Variants in TNFSF4 observed in about 807,000 individuals in gnomAD.
TNFSF4 encodes the protein tumor necrosis factor ligand superfamily member 4.
A neutral mutation model predicts 7.3 loss-of-function variants in TNFSF4; 4 were observed. That is an observed-to-expected ratio of 0.55 (90% confidence interval 0.27 to 1.25). The LOEUF is 1.25. TNFSF4 is among the 50% of genes most tolerant of loss of function. The pLI, the probability that TNFSF4 is intolerant of heterozygous loss-of-function variation, is 0.12. For missense variants in TNFSF4, 181 were observed against 208.8 expected (o/e 0.87, Z 0.82); for synonymous variants, 76 against 83.7 (o/e 0.91, Z 0.50).
chr1:173,214,271 T>C, the TNFSF4 span, among the ~76,000 whole-genome samples: 1 of 152,186 alleles, frequency 6.6e-6, no homozygotes, highest in East Asian at 1.9e-4. Context: ...ACACACTTAG[T>C]ACATGGCAGA....
the TNFSF4 span, among the ~76,000 whole-genome samples, chr1:173,424,984 A>G: frequency 2.0e-5 from 3 of 152,178 alleles, no homozygotes; most frequent in African/African-American, 7.2e-5. Context: ...TTAAATATTC[A>G]AGTTTTTCAA....
the TNFSF4 span, among the ~76,000 whole-genome samples, chr1:173,433,972 G>A: frequency 6.6e-6 from 1 of 152,208 alleles, no homozygotes; most frequent in Non-Finnish European, 1.5e-5. Flanking sequence ...AAAGGAGAAT[G>A]CCAAGTGAAG....
the TNFSF4 span, among the ~76,000 whole-genome samples, chr1:173,421,205 C>A: frequency 6.6e-6 from 1 of 152,138 alleles, no homozygotes; most frequent in Admixed American, 6.5e-5. Flanking sequence ...TCCCACGCAC[C>A]ATTAGGGACA....
the TNFSF4 span, among the ~76,000 whole-genome samples, chr1:173,253,794 GT>G: frequency 6.6e-6 from 1 of 152,034 alleles, no homozygotes; most frequent in Admixed American, 6.6e-5. Context: ...AGTGAGATGA[GT>G]TTTTTTCTAT....
the TNFSF4 span, among the ~76,000 whole-genome samples, chr1:173,226,711 A>G: frequency 6.6e-6 from 1 of 152,158 alleles, no homozygotes; most frequent in Admixed American, 6.5e-5. Context: ...TCATGCTATC[A>G]TCTCGACTAA....
At chr1:173,432,393 T>G in the TNFSF4 span, among the ~76,000 whole-genome samples, 1 of 152,168 alleles carries the variant, frequency 6.6e-6, no homozygotes, top group African/African-American at 2.4e-5. Context: ...TAAAGATAAA[T>G]GAGTTCATAA....
rs1013701527 is a variant in TNFSF4, at chr1:173,185,416, T to C, written c.*1100A>G. The C allele has an allele frequency of 3.3e-5, 5 of 152,172 alleles. No individual in the cohort carries two copies. Among genetic ancestry groups the C allele is most frequent in the Non-Finnish European group, 5.9e-5 (4 of 68,026 alleles). 9.4% of individuals were successfully genotyped at this position (152,172 alleles called of 1,614,324 possible). A position where few individuals can be genotyped will look rare whatever the true frequency, so the allele number is the denominator to read the frequency against. On this transcript the variant is annotated 3_prime_UTR_variant, in exon 3 of 3. Transcript: ENST00000281834. ...AGACCCTTCTAGTTTCAATTATCAA[T>C]GTGAGACTATATATGGTCTATGGTA...
At chr1:173,357,801 C>G in the TNFSF4 span, among the ~76,000 whole-genome samples, 1 of 152,186 alleles carries the variant, frequency 6.6e-6, no homozygotes, top group Admixed American at 6.5e-5. Context: ...TCCCAAAGTA[C>G]TGGGATTACA....
upstream of TNFSF4, among the ~76,000 whole-genome samples, chr1:173,209,796 C>T (rs1315571007): frequency 6.6e-6 from 1 of 152,190 alleles, no homozygotes; most frequent in Non-Finnish European, 1.5e-5. Flanking sequence ...AGCCACCAAG[C>T]CTGGTGGCAA....
chr1:173,228,012 G>A, the TNFSF4 span, among the ~76,000 whole-genome samples: 147 of 152,296 alleles, frequency 9.7e-4, 1 homozygote, highest in Middle Eastern at 3.4e-3. Flanking sequence ...CTCTGGGGGC[G>A]GGGCATAGCC....
the TNFSF4 span, among the ~76,000 whole-genome samples, chr1:173,422,915 G>C: frequency 2.0e-5 from 3 of 152,044 alleles, no homozygotes; most frequent in Admixed American, 6.5e-5. Flanking sequence ...AAGGAGGTTT[G>C]TCAGCTTCAT....
chr1:173,338,448 C>A, the TNFSF4 span, among the ~76,000 whole-genome samples: 1 of 152,028 alleles, frequency 6.6e-6, no homozygotes, highest in South Asian at 2.1e-4. Context: ...ACTGATCTTA[C>A]CATGTACCCC....
chr1:173,399,756 T>A, the TNFSF4 span, among the ~76,000 whole-genome samples: 234 of 152,298 alleles, frequency 1.5e-3, 3 homozygotes, highest in Non-Finnish European at 2.4e-4. Context: ...ACCCCTGTCA[T>A]CACCCAATGG....
chr1:173,384,532 C>T, the TNFSF4 span, among the ~76,000 whole-genome samples: 1 of 152,146 alleles, frequency 6.6e-6, no homozygotes, highest in African/African-American at 2.4e-5. Context: ...CTTGCCCTCC[C>T]CCACCGCATG....
the TNFSF4 span, among the ~76,000 whole-genome samples, chr1:173,247,582 A>G: frequency 6.6e-6 from 1 of 152,238 alleles, no homozygotes; most frequent in Non-Finnish European, 1.5e-5. Flanking sequence ...TTTTACCTAG[A>G]GCTAAACAAA....
chr1:173,379,700 C>G, the TNFSF4 span, among the ~76,000 whole-genome samples: 1 of 152,208 alleles, frequency 6.6e-6, no homozygotes, highest in Non-Finnish European at 1.5e-5. Flanking sequence ...CAGAGAAAGG[C>G]CGCAGCCTTA....
chr1:173,315,732 T>C, the TNFSF4 span, among the ~76,000 whole-genome samples: 3 of 152,190 alleles, frequency 2.0e-5, no homozygotes, highest in African/African-American at 7.2e-5. Flanking sequence ...TTATCAAGAT[T>C]GTGTCAGATT....
downstream of TNFSF4, among the ~76,000 whole-genome samples, chr1:173,182,859 A>T (rs1387420697): frequency 6.6e-6 from 1 of 152,190 alleles, no homozygotes; most frequent in East Asian, 1.9e-4. Flanking sequence ...GTGCATTTGC[A>T]CATTGTGTGG....
chr1:173,350,331 T>C, the TNFSF4 span, among the ~76,000 whole-genome samples: 1 of 152,162 alleles, frequency 6.6e-6, no homozygotes, highest in Non-Finnish European at 1.5e-5. Flanking sequence ...ACAATTCAAC[T>C]CACATGCCCT....
Sources: allele counts gnomAD v4.1 joint callset (sites outside exome capture counted in the v4.1 genomes callset), GRCh38; gene constraint gnomAD v4.1.1; transcripts MANE v1.5; gene names NCBI Gene and HGNC (gene_info 2026-07-23, HGNC 2026-07-21).